SH3GL3: variants seen among roughly 807,000 people sequenced by gnomAD.
SH3GL3 encodes endophilin-A3.
A neutral mutation model predicts 47.7 loss-of-function variants in SH3GL3; 33 were observed. The observed-to-expected ratio is 0.69, with a 90% confidence interval of 0.52 to 0.92. SH3GL3 has a LOEUF of 0.92. Among genes scored for constraint, SH3GL3 ranks in the 40% least tolerant of loss-of-function variants. SH3GL3 has a pLI of 0.00. For synonymous variants in SH3GL3, 155 were observed against 148.8 expected (o/e 1.04, Z -0.30); for missense variants, 363 against 417.8 (o/e 0.87, Z 1.14).
intron 6 of SH3GL3, among the ~76,000 whole-genome samples, chr15:83,584,174 C>T (rs2059903489): frequency 6.6e-6 from 1 of 152,166 alleles, no homozygotes; most frequent in African/African-American, 2.4e-5. Flanking sequence ...ACCTGCATTT[C>T]TTGGCTCATT....
chr15:83,618,004 GC>G (rs1293086435), intron 8 of SH3GL3, 77 bp from the exon 9 acceptor site: 1 of 1,002,986 alleles, frequency 1.0e-6, no homozygotes, highest in African/African-American at 1.6e-5. Context: ...GTCTCTCTGA[GC>G]TTTTCCACAT....
intron 8 of SH3GL3, among the ~76,000 whole-genome samples, chr15:83,595,403 T>C (rs1481868763): frequency 2.6e-5 from 4 of 152,002 alleles, no homozygotes; most frequent in Non-Finnish European, 5.9e-5. Flanking sequence ...TACCCTGTAC[T>C]ATGCTTGATC....
At chr15:83,456,733 G>A (rs552427669) in intron 1 of SH3GL3, among the ~76,000 whole-genome samples, 167 of 149,672 alleles carry the variant, frequency 1.1e-3, no homozygotes, top group African/African-American at 3.7e-3. Context: ...AGATGAACCC[G>A]GTACCTCAGA....
intron 6 of SH3GL3, among the ~76,000 whole-genome samples, chr15:83,584,822 C>T (rs2059917652): frequency 6.6e-6 from 1 of 152,230 alleles, no homozygotes; most frequent in African/African-American, 2.4e-5. Flanking sequence ...CCTTTCTTCC[C>T]ACCCCAGGTG....
chr15:83,470,822 A>T (rs190164788), intron 1 of SH3GL3, among the ~76,000 whole-genome samples: 2 of 152,014 alleles, frequency 1.3e-5, no homozygotes, highest in South Asian at 4.1e-4. Flanking sequence ...GGCTGTTCAC[A>T]TGTGTGTGTA....
chr15:83,601,991 T>G (rs920771490), intron 8 of SH3GL3, among the ~76,000 whole-genome samples: 5 of 148,466 alleles, frequency 3.4e-5, no homozygotes, highest in African/African-American at 9.9e-5. Flanking sequence ...TGCAGTAAAA[T>G]AGGATTTCCT....
At position 83,447,539 on chromosome 15, in the gene SH3GL3, G is replaced by T. The variant is rs1421659843; in HGVS notation, c.6G>T (p.Ser2=). Residue 2 remains serine (S), a synonymous_variant, in exon 1 of 9, where the codon TCG becomes TCT. Coordinates refer to ENST00000427482, the MANE Select transcript of SH3GL3 (RefSeq NM_003027.5). The surrounding 1 kb of genome is among the most constrained non-coding windows in gnomAD (Gnocchi z 5.1). The part of the protein sequence containing the change: M[S]VAGLKKQFHK... ...CCCTGCCGGTCGCAGTCGCGATGTC[G>T]GTGGCCGGGCTGAAGAAGCAGTTCC... 1.1e-5 allele frequency: 17 copies of T among 1,504,634 alleles called. No homozygotes were observed. The highest frequency in any genetic ancestry group is 1.7e-4 in the Middle Eastern group (1 of 5,854). The allele number at this position is 1,504,634 out of a possible 1,614,324, so 93.2% of individuals were successfully genotyped here. A position where few individuals can be genotyped will look rare whatever the true frequency, so the allele number is the denominator to read the frequency against.
At chr15:83,574,081 GT>G (rs1334826494) in intron 5 of SH3GL3, among the ~76,000 whole-genome samples, 3 of 152,204 alleles carry the variant, frequency 2.0e-5, no homozygotes, top group Non-Finnish European at 4.4e-5. Flanking sequence ...GGCCAGGGCT[GT>G]GAGAGCAGGC....
chr15:83,472,629 A>T (rs938534394), intron 1 of SH3GL3, among the ~76,000 whole-genome samples: 2 of 151,944 alleles, frequency 1.3e-5, no homozygotes, highest in Non-Finnish European at 2.9e-5. Context: ...GCATCTTCAC[A>T]GTGGCTTCTT....
At chr15:83,461,135 A>G (rs1401002520) in intron 1 of SH3GL3, among the ~76,000 whole-genome samples, 5 of 152,070 alleles carry the variant, frequency 3.3e-5, no homozygotes, top group Non-Finnish European at 7.4e-5. Context: ...TTCCTTGTTA[A>G]TTGTTTGTTA....
At chr15:83,509,940 C>T (rs1164656175) in intron 1 of SH3GL3, among the ~76,000 whole-genome samples, 2 of 152,116 alleles carry the variant, frequency 1.3e-5, no homozygotes, top group Admixed American at 6.6e-5. Context: ...TTGATTTAGT[C>T]CTTTCACTTT....
chr15:83,583,458 A>T (rs2059885829), intron 6 of SH3GL3, among the ~76,000 whole-genome samples: 1 of 152,206 alleles, frequency 6.6e-6, no homozygotes, highest in Non-Finnish European at 1.5e-5. Flanking sequence ...CTTTGGGTAC[A>T]GCCTAAGCCT....
At chr15:83,565,069 A>C (rs571266621) in intron 2 of SH3GL3, 65 bp from the exon 3 acceptor site, 24 of 675,310 alleles carry the variant, frequency 3.6e-5, no homozygotes, top group Admixed American at 1.5e-4. Context: ...TTCCTCCTCT[A>C]TTTGCTCTTT....
At chr15:83,476,453 T>A (rs898013804) in intron 1 of SH3GL3, among the ~76,000 whole-genome samples, 5 of 152,262 alleles carry the variant, frequency 3.3e-5, no homozygotes, top group African/African-American at 1.2e-4. Context: ...GTCACCTGTT[T>A]ACACTCTGTA....
rs748674988 is a variant in SH3GL3 at position 83,568,641 on chromosome 15, C to T, written c.300C>T (p.Tyr100=). 9.9e-6 allele frequency: 16 copies of T among 1,613,596 alleles called. No homozygotes were observed. The highest frequency in any genetic ancestry group is 1.7e-5 in the Admixed American group (1 of 59,992). Residue 100 remains tyrosine, a synonymous_variant, in exon 4 of 9, where the codon TAC becomes TAT. Transcript: ENST00000427482. ...EGLLGDCMLK[Y]GKELGEDSTF... Reference sequence around the variant, plus strand: ...TGCTGGGGGACTGTATGCTGAAATACGGGAAGGAGCTCGGGGAAGACTCCA... The same window carrying T: ...TGCTGGGGGACTGTATGCTGAAATATGGGAAGGAGCTCGGGGAAGACTCCA...
chr15:83,490,929 G>A (rs758521668), intron 1 of SH3GL3: 1 of 1,613,936 alleles, frequency 6.2e-7, no homozygotes, highest in Non-Finnish European at 8.5e-7. Flanking sequence ...TGTTAAGGGG[G>A]AGTGGTTGGG....
chr15:83,552,743 A>G (rs1216201233), intron 1 of SH3GL3, among the ~76,000 whole-genome samples: 4 of 152,296 alleles, frequency 2.6e-5, no homozygotes, highest in Non-Finnish European at 5.9e-5. Flanking sequence ...CAGATAATCA[A>G]TATCTTTTTC....
intron 1 of SH3GL3, among the ~76,000 whole-genome samples, chr15:83,532,714 T>C (rs968097897): frequency 8.5e-5 from 13 of 152,210 alleles, no homozygotes; most frequent in Non-Finnish European, 8.8e-5. Context: ...AGTCCAGAGA[T>C]GGGAGGCTGC....
chr15:83,482,702 G>GT (rs2041418193), intron 1 of SH3GL3, among the ~76,000 whole-genome samples: 2 of 151,952 alleles, frequency 1.3e-5, no homozygotes, highest in Non-Finnish European at 2.9e-5. Context: ...ATCATGGCCA[G>GT]GGTGGTCTTG....
Sources: allele counts gnomAD v4.1 joint callset (sites outside exome capture counted in the v4.1 genomes callset), GRCh38; gene constraint gnomAD v4.1.1; non-coding constraint Gnocchi (gnomAD v3.1); transcripts MANE v1.5; gene names NCBI Gene and HGNC (gene_info 2026-07-23, HGNC 2026-07-21).